Variants in GPATCH8 observed in about 807,000 individuals in gnomAD.
GPATCH8 encodes the protein G-patch domain containing 8, also known as G patch domain-containing protein 8.
A neutral mutation model predicts 118.3 loss-of-function variants in GPATCH8; 18 were observed. That is an observed-to-expected ratio of 0.15 (90% confidence interval 0.11 to 0.23). The LOEUF (loss-of-function observed/expected upper bound fraction) is 0.23, where lower values mean the gene tolerates loss of function less well. GPATCH8 is among the 10% of genes least tolerant of loss of function. GPATCH8 has a pLI of 1.00. For missense variants in GPATCH8, 1,631 were observed against 1,873.8 expected, an observed-to-expected ratio of 0.87 and a Z score of 2.39; for synonymous variants, 659 against 684.7, an observed-to-expected ratio of 0.96 and a Z score of 0.59.
At chr17:44,457,702 G>C (rs1465884500) in intron 3 of GPATCH8, among the ~76,000 whole-genome samples, 1 of 152,198 alleles carries the variant, frequency 6.6e-6, no homozygotes, top group Non-Finnish European at 1.5e-5. Flanking sequence ...GGGAGTCCAA[G>C]GTGGGAGGAT....
At chr17:44,455,029 A>G (rs957297478) in intron 3 of GPATCH8, among the ~76,000 whole-genome samples, 4 of 152,168 alleles carry the variant, frequency 2.6e-5, no homozygotes, top group African/African-American at 9.7e-5. Flanking sequence ...CTGACAATCC[A>G]TACCTTGATT....
chr17:44,408,391 T>C (rs1240950038), intron 6 of GPATCH8, among the ~76,000 whole-genome samples: 2 of 152,138 alleles, frequency 1.3e-5, no homozygotes, highest in Non-Finnish European at 2.9e-5. Flanking sequence ...TTCATTTTCT[T>C]GGCCAGGCTA....
chr17:44,398,227 G>A lies in GPATCH8; in HGVS notation c.3850C>T (p.Pro1284Ser), dbSNP rs375783568. 8.1e-6 allele frequency: 13 copies of A among 1,613,002 alleles called. No homozygotes were observed. The highest frequency in any genetic ancestry group is 1.1e-5 in the South Asian group (1 of 91,028). The change falls in exon 8 of 8, where the codon CCT (proline) becomes TCT (serine). Residue 1284 changes from proline (P) to serine (S), a missense_variant. Pro to Ser is a moderately conservative substitution (Grantham distance 74). Coordinates refer to ENST00000591680, the MANE Select transcript of GPATCH8 (RefSeq NM_001002909.4). ...PDLEHFPSYAPPSGDPSIEST... is the reference protein window; with the variant it reads ...PDLEHFPSYASPSGDPSIEST... ...TCAATACTAGGATCCCCACTGGGAG[G>A]TGCATAACTGGGGAAATGCTCAAGG...
intron 1 of GPATCH8, among the ~76,000 whole-genome samples, chr17:44,480,682 T>C (rs1968157577): frequency 6.7e-6 from 1 of 150,254 alleles, no homozygotes; most frequent in Non-Finnish European, 1.5e-5. Flanking sequence ...ATCGCGCCAT[T>C]GCACTCCAGC....
At chr17:44,493,054 G>GTTTTGTTT (rs1555649553) in intron 1 of GPATCH8, among the ~76,000 whole-genome samples, 1 of 124,406 alleles carries the variant, frequency 8.0e-6, no homozygotes, top group Non-Finnish European at 1.6e-5. Flanking sequence ...AAGCCATTAG[G>GTTTTGTTT]TTTTTTTTTT....
chr17:44,495,277 T>G (rs1165526545), intron 1 of GPATCH8, among the ~76,000 whole-genome samples: 1 of 152,120 alleles, frequency 6.6e-6, no homozygotes, highest in Non-Finnish European at 1.5e-5. Context: ...GAGGTTGCAG[T>G]GAGCTGAGAT....
rs183182331 is a variant in GPATCH8, at chr17:44,401,287, C to T, written c.790G>A (p.Val264Ile). The change falls in exon 8 of 8, where the codon GTA (valine) becomes ATA (isoleucine). Residue 264 changes from valine to isoleucine, a missense_variant. Physicochemically the swap from Val to Ile is conservative, Grantham distance 29 (BLOSUM62 3). Transcript: ENST00000591680. ...STDKGGPFTA[V>I]QITNTTGLAQ... ...AGTCCAGTGGTATTAGTGATTTGTA[C>T]TGCAGTGAAAGGGCCTCCTTTATCT... 6 of 1,612,076 alleles carry T rather than the reference C, an allele frequency of 3.7e-6. No individual in the cohort carries two copies. The East Asian group carries it at 8.9e-5, about 24-fold the overall frequency.
intron 3 of GPATCH8, among the ~76,000 whole-genome samples, chr17:44,446,457 C>G (rs919042786): frequency 6.6e-6 from 1 of 151,966 alleles, no homozygotes. Flanking sequence ...CCCAGCTACT[C>G]GGGAGGCTGA....
At chr17:44,477,461 C>T (rs1269129207) in intron 1 of GPATCH8, among the ~76,000 whole-genome samples, 1 of 151,930 alleles carries the variant, frequency 6.6e-6, no homozygotes, top group Non-Finnish European at 1.5e-5. Context: ...CCTTCAAACT[C>T]CTGGGCTCAA....
chr17:44,442,128 G>T lies in GPATCH8; in HGVS notation c.194-5583C>A, dbSNP rs1331809013. ...ATATACATATATATATATATAGAGA[G>T]AGAGAGAGAGAGAGAAGGAGAGAGA... On this transcript the variant is annotated intron_variant, in intron 3 of 7. Transcript: ENST00000591680. Among the ~76,000 whole-genome samples the T allele has an allele frequency of 4.4e-3, 643 of 145,770 alleles. 4 individuals carry two copies. The highest frequency in any genetic ancestry group is 0.015 in the African/African-American group (610 of 39,844).
intron 5 of GPATCH8, among the ~76,000 whole-genome samples, chr17:44,430,451 G>A (rs1456355604): frequency 6.6e-6 from 1 of 152,074 alleles, no homozygotes; most frequent in Non-Finnish European, 1.5e-5. Context: ...TATCTCAGTA[G>A]ATGCAAAATA....
intron 1 of GPATCH8, among the ~76,000 whole-genome samples, 187 bp downstream of exon 1, chr17:44,503,139 G>A (rs921392555): frequency 1.3e-5 from 2 of 152,232 alleles, no homozygotes; most frequent in African/African-American, 4.8e-5. Context: ...GTAAGAGAAT[G>A]CGGGTGCGAG....
At chr17:44,407,143 T>C (rs191988021) in intron 6 of GPATCH8, 26 of 152,104 alleles carry the variant, frequency 1.7e-4, no homozygotes, top group Admixed American at 1.6e-3. Flanking sequence ...TCTTTTTAAA[T>C]TGGGAGGGGG....
intron 6 of GPATCH8, among the ~76,000 whole-genome samples, chr17:44,407,058 T>C (rs914576749): frequency 3.3e-5 from 5 of 152,174 alleles, no homozygotes; most frequent in Non-Finnish European, 5.9e-5. Flanking sequence ...AAAGTGGACA[T>C]TGCTTTGTAG....
chr17:44,496,145 T>C (rs557503965), intron 1 of GPATCH8, among the ~76,000 whole-genome samples: 4 of 152,276 alleles, frequency 2.6e-5, no homozygotes, highest in East Asian at 1.9e-4. Context: ...GCCGGGATTA[T>C]AGGCGTGAGC....
At chr17:44,495,384 T>C (rs1969589952) in intron 1 of GPATCH8, among the ~76,000 whole-genome samples, 2 of 152,200 alleles carry the variant, frequency 1.3e-5, no homozygotes, top group Non-Finnish European at 2.9e-5. Context: ...CTTTAAGGAT[T>C]CTCTCCTTTA....
chr17:44,433,821 C>T lies in GPATCH8; in HGVS notation c.348+1244G>A, dbSNP rs78166031. Among the ~76,000 whole-genome samples, 1,292 of 152,174 alleles carry T rather than the reference C, an allele frequency of 8.5e-3. 9 individuals carry two copies. The highest frequency in any genetic ancestry group is 0.013 in the Non-Finnish European group (855 of 68,006). On this transcript the variant is annotated intron_variant, in intron 5 of 7. Coordinates refer to ENST00000591680, the MANE Select transcript of GPATCH8 (RefSeq NM_001002909.4). ...TAGGAAAGTATAAATTCTTCAAAAC[C>T]AAGAGTAATGAAAATGTTTTAAAGA...
chr17:44,458,088 CAA>C (rs368372910), intron 3 of GPATCH8, among the ~76,000 whole-genome samples: 28 of 91,376 alleles, frequency 3.1e-4, no homozygotes, highest in Admixed American at 3.5e-4. Flanking sequence ...GACTCCATTT[CAA>C]AAAAAAAAAA....
chr17:44,437,958 A>C (rs1001918825), intron 3 of GPATCH8, among the ~76,000 whole-genome samples: 19 of 123,662 alleles, frequency 1.5e-4, no homozygotes, highest in African/African-American at 4.4e-4. Flanking sequence ...AAAAAAAAAA[A>C]ACAAAACAAC....
Sources: allele counts gnomAD v4.1 joint callset (sites outside exome capture counted in the v4.1 genomes callset), GRCh38; gene constraint gnomAD v4.1.1; transcripts MANE v1.5; gene names NCBI Gene and HGNC (gene_info 2026-07-23, HGNC 2026-07-21).